Variants in ANKRD52 observed in about 807,000 individuals in gnomAD.
ANKRD52 encodes serine/threonine-protein phosphatase 6 regulatory ankyrin repeat subunit C.
In ANKRD52, 7 loss-of-function variants were observed where a neutral mutation model predicts 116.0. The ratio of observed to expected loss-of-function variants is 0.06; its 90% CI spans 0.03 to 0.11. The LOEUF (loss-of-function observed/expected upper bound fraction) is 0.11, where lower values mean the gene tolerates loss of function less well. ANKRD52 is among the 10% of genes least tolerant of loss of function. The pLI is 1.00. For missense variants in ANKRD52, 839 were observed against 1,408.6 expected (o/e 0.60, Z 6.47); for synonymous variants, 528 against 578.1 (o/e 0.91, Z 1.24).
intron 1 of ANKRD52, 89 bp from the exon 2 acceptor site, chr12:56,258,000 T>C (rs879166358): frequency 1.1e-6 from 1 of 923,494 alleles, no homozygotes; most frequent in Non-Finnish European, 1.6e-6. Flanking sequence ...TAGGTTTGAG[T>C]GGGGGGCGTC....
At position 56,243,163 on chromosome 12, in the gene ANKRD52, T is replaced by C; in HGVS notation, c.3210A>G (p.Leu1070=). 5.0e-6 allele frequency: 8 copies of C among 1,604,804 alleles called. No individual in the cohort carries two copies. Among genetic ancestry groups the C allele is most frequent in the Non-Finnish European group, 6.0e-6 (7 of 1,175,570 alleles). Residue 1070 remains leucine (L), a synonymous_variant, in exon 28 of 28, where the codon TTA becomes TTG. Transcript: ENST00000267116. The surrounding 1 kb of genome is among the most constrained non-coding windows in gnomAD (Gnocchi z 4.6). Reference sequence around the variant, plus strand: ...GGGGCTACTCAGAGTAGCAGCCATCTAACCCAATGGCGCCGGGCCGCTCCT... The same window carrying C: ...GGGGCTACTCAGAGTAGCAGCCATCCAACCCAATGGCGCCGGGCCGCTCCT... ...YSQERPGAIG[L]DGCYSE
Position 56,243,192 on chromosome 12 carries a change from T to C in ANKRD52, c.3181A>G (p.Ser1061Gly). 1 of 1,612,412 alleles carries C rather than the reference T, an allele frequency of 6.2e-7. No homozygotes were observed. The highest frequency in any genetic ancestry group is 8.5e-7 in the Non-Finnish European group (1 of 1,179,260). Reference protein sequence around the residue: ...ALPHGASCPYSQERPGAIGLD... With the variant: ...ALPHGASCPYGQERPGAIGLD... ...CCAATGGCGCCGGGCCGCTCCTGGCTGTAGGGGCAGGAGGCCCCATGGGGC... is the reference window on the plus strand; with the variant it reads ...CCAATGGCGCCGGGCCGCTCCTGGCCGTAGGGGCAGGAGGCCCCATGGGGC... The change falls in exon 28 of 28, where the codon AGC becomes GGC. Residue 1061 changes from serine (S) to glycine (G), a missense_variant. Coordinates refer to ENST00000267116, the MANE Select transcript of ANKRD52 (RefSeq NM_173595.4). The surrounding 1 kb of genome is among the most constrained non-coding windows in gnomAD (Gnocchi z 4.6).
chr12:56,243,373 G>A lies in ANKRD52; in HGVS notation c.3000C>T (p.Ala1000=). 6.2e-7 allele frequency: 1 copy of A among 1,613,884 alleles called. No individual in the cohort carries two copies. Among genetic ancestry groups the A allele is most frequent in the Non-Finnish European group, 8.5e-7 (1 of 1,179,828 alleles). Residue 1000 remains alanine (A), a synonymous_variant, in exon 28 of 28, where the codon GCC becomes GCT. Coordinates refer to ENST00000267116, the MANE Select transcript of ANKRD52 (RefSeq NM_173595.4). The surrounding 1 kb of genome is among the most constrained non-coding windows in gnomAD (Gnocchi z 4.6). ...VDEEGHTPAL[A]CAPNKDVADC... Reference sequence around the variant, plus strand: ...CTGCCACATCTTTGTTGGGGGCACAGGCCAGTGCTGGGGTGTGACCTGCAG... The same window carrying A: ...CTGCCACATCTTTGTTGGGGGCACAAGCCAGTGCTGGGGTGTGACCTGCAG...
Position 56,242,422 on chromosome 12 carries a change from A to T in ANKRD52, c.*720T>A. On this transcript the variant is annotated 3_prime_UTR_variant, in exon 28 of 28. Transcript: ENST00000267116. The surrounding 1 kb of genome is among the most constrained non-coding windows in gnomAD (Gnocchi z 4.3). ...GGGGCCAGGCTAGGAGTGGGAGGGA[A>T]TGGGGAGGGGGCAGGCTGTGGGGGC... 7.0e-5 allele frequency: 21 copies of T among 301,128 alleles called. No homozygotes were observed. Among genetic ancestry groups the T allele is most frequent in the Middle Eastern group, 8.7e-4 (1 of 1,152 alleles). The allele number at this position is 301,128 out of a possible 1,614,324, so 18.7% of individuals were successfully genotyped here.
In ANKRD52 at chr12:56,241,882, C is replaced by G. The variant is rs1871184417; in HGVS notation, c.*1260G>C. 2.5e-6 allele frequency: 1 copy of G among 397,792 alleles called. No individual in the cohort carries two copies. Among genetic ancestry groups the G allele is most frequent in the African/African-American group, 2.1e-5 (1 of 48,580 alleles). The allele number at this position is 397,792 out of a possible 1,614,324, so 24.6% of individuals were successfully genotyped here. A position where few individuals can be genotyped will look rare whatever the true frequency, so the allele number is the denominator to read the frequency against. ...ACTTTAGAAATCTTATCAGTGCAGC[C>G]CCCAGCTCAATCCCATCTTTCCTCC... On this transcript the variant is annotated 3_prime_UTR_variant, in exon 28 of 28. Coordinates refer to ENST00000267116, the MANE Select transcript of ANKRD52 (RefSeq NM_173595.4).
chr12:56,241,912 T>C lies in ANKRD52; in HGVS notation c.*1230A>G, dbSNP rs1264961193. ...GCTCAATCCCATCTTTCCTCCCTGC[T>C]GGGAAGGCAGGGACCAAGCCCCAGT... On this transcript the variant is annotated 3_prime_UTR_variant, in exon 28 of 28. Transcript: ENST00000267116. The C allele has an allele frequency of 7.5e-6, 3 of 398,314 alleles. No individual in the cohort carries two copies. Among genetic ancestry groups the C allele is most frequent in the African/African-American group, 4.1e-5 (2 of 48,614 alleles). The allele number at this position is 398,314 out of a possible 1,614,324, so 24.7% of individuals were successfully genotyped here.
chr12:56,252,105 A>G lies in ANKRD52; in HGVS notation c.1512-10T>C, dbSNP rs776130496. Reference sequence around the variant, plus strand: ...TGTATGGGGTTCCGCTCTGGGGAAGAGAGAGAGAAAGTTAGGGCCAGGCTC... The same window carrying G: ...TGTATGGGGTTCCGCTCTGGGGAAGGGAGAGAGAAAGTTAGGGCCAGGCTC... On this transcript the variant is annotated splice_polypyrimidine_tract_variant and intron_variant, in intron 14 of 27. Coordinates refer to ENST00000267116, the MANE Select transcript of ANKRD52 (RefSeq NM_173595.4). This position sits in a 1 kb window ranked among gnomAD's most constrained non-coding sequence, Gnocchi z 4.7. 6.2e-7 allele frequency: 1 copy of G among 1,613,744 alleles called. No individual in the cohort carries two copies. Among genetic ancestry groups the G allele is most frequent in the Admixed American group, 1.7e-5 (1 of 60,008 alleles).
rs1225524026 is a variant in ANKRD52, at chr12:56,248,690, G to GT, written c.1704+68dup. 7 of 1,505,958 alleles carry GT rather than the reference G, an allele frequency of 4.6e-6. No individual in the cohort carries two copies. Among genetic ancestry groups the GT allele is most frequent in the Non-Finnish European group, 6.4e-6 (7 of 1,102,158 alleles). The allele number at this position is 1,505,958 out of a possible 1,614,324, so 93.3% of individuals were successfully genotyped here. On this transcript the variant is annotated intron_variant, in intron 16 of 27. Coordinates refer to ENST00000267116, the MANE Select transcript of ANKRD52 (RefSeq NM_173595.4). This position sits in a 1 kb window ranked among gnomAD's most constrained non-coding sequence, Gnocchi z 5.1. ...AAGACCACATTTGATTGAACCCTTA[G>GT]TTTTGGAATCCACAAACCCTGTGCC...
rs773801349 is a variant in ANKRD52 at position 56,252,231 on chromosome 12, G to C, written c.1455C>G (p.Ala485=). ...LVTAGAGVNE[A]DCKGCSPLHY... ...GGAGGGGAGAGCAGCCTTTACAGTC[G>C]GCCTCGTTGACACCTGCCCCAGCAG... is the stretch of plus-strand genomic sequence containing the variant. Residue 485 remains alanine, a synonymous_variant, in exon 14 of 28, where the codon GCC becomes GCG. Transcript: ENST00000267116. This position sits in a 1 kb window ranked among gnomAD's most constrained non-coding sequence, Gnocchi z 4.7. 1 of 1,613,812 alleles carries C rather than the reference G, an allele frequency of 6.2e-7. No homozygotes were observed. Among genetic ancestry groups the C allele is most frequent in the African/African-American group, 1.3e-5 (1 of 74,892 alleles).
rs774217421 is a variant in ANKRD52, at chr12:56,252,034, G to A, written c.1573C>T (p.Arg525Cys). The change falls in exon 15 of 28, where the codon CGC (arginine) becomes TGC (cysteine). Residue 525 changes from arginine to cysteine, a missense_variant. By Grantham distance (180) the Arg-to-Cys change is radical. Transcript: ENST00000267116. The surrounding 1 kb of genome is among the most constrained non-coding windows in gnomAD (Gnocchi z 4.7). The stretch of plus-strand genomic sequence containing the variant: ...ACTCACAAGAAGGCCTCCTTCCTGC[G>A]GGACTCCTTCAGTGGCTCGTCCTCT... ...AEEDEPLKES[R>C]RKEAFFCLEF... The A allele has an allele frequency of 4.3e-6, 7 of 1,613,618 alleles. No homozygotes were observed. Among genetic ancestry groups the A allele is most frequent in the African/African-American group, 2.7e-5 (2 of 74,874 alleles).
At position 56,253,221 on chromosome 12, in the gene ANKRD52, C is replaced by T; in HGVS notation, c.1100+67G>A. 2 of 1,521,362 alleles carry T rather than the reference C, an allele frequency of 1.3e-6. No individual in the cohort carries two copies. The highest frequency in any genetic ancestry group is 1.8e-6 in the Non-Finnish European group (2 of 1,107,292). The allele number at this position is 1,521,362 out of a possible 1,614,324, so 94.2% of individuals were successfully genotyped here. The stretch of plus-strand genomic sequence containing the variant: ...CCTTTGGCAAGCTTATCTGTGCCTC[C>T]ATGGTTGATGTGAGCAGTCTGTGCA... On this transcript the variant is annotated intron_variant, in intron 10 of 27. Transcript: ENST00000267116. This position sits in a 1 kb window ranked among gnomAD's most constrained non-coding sequence, Gnocchi z 5.5.
intron 15 of ANKRD52, among the ~76,000 whole-genome samples, chr12:56,251,573 A>G (rs1326764902): frequency 2.0e-5 from 3 of 152,088 alleles, no homozygotes; most frequent in Admixed American, 1.3e-4. Flanking sequence ...TATCTAGCAC[A>G]GTACTTGGAA....
rs1207174452 is a variant in ANKRD52, at chr12:56,242,939, G to A, written c.*203C>T. On this transcript the variant is annotated 3_prime_UTR_variant, in exon 28 of 28. Transcript: ENST00000267116. The surrounding 1 kb of genome is among the most constrained non-coding windows in gnomAD (Gnocchi z 4.3). ...GTCGCCCTGGGGGTACCAAGGGCCT[G>A]GGGTGCTCCCTGTCAGTCCCAGACC... The A allele has an allele frequency of 1.4e-6, 1 of 714,040 alleles. No homozygotes were observed. Among genetic ancestry groups the A allele is most frequent in the Non-Finnish European group, 2.2e-6 (1 of 450,616 alleles). 44.2% of individuals were successfully genotyped at this position (714,040 alleles called of 1,614,324 possible).
At position 56,244,191 on chromosome 12, in the gene ANKRD52, G is replaced by A; in HGVS notation, c.2806-58C>T. On this transcript the variant is annotated intron_variant, in intron 25 of 27. Coordinates refer to ENST00000267116, the MANE Select transcript of ANKRD52 (RefSeq NM_173595.4). The surrounding 1 kb of genome is among the most constrained non-coding windows in gnomAD (Gnocchi z 4.9). ...GAAGTAGAAATGTGGCAGGGTGCAG[G>A]GCAGGAGTTGGGGAGAGTAACAGGA... The A allele has an allele frequency of 3.8e-6, 6 of 1,589,946 alleles. No homozygotes were observed. The highest frequency in any genetic ancestry group is 5.2e-6 in the Non-Finnish European group (6 of 1,158,448).
chr12:56,242,146 G>A lies in ANKRD52; in HGVS notation c.*996C>T, dbSNP rs1230768757. 1.5e-5 allele frequency: 6 copies of A among 398,560 alleles called. No individual in the cohort carries two copies. The highest frequency in any genetic ancestry group is 2.7e-5 in the Non-Finnish European group (6 of 226,130). The allele number at this position is 398,560 out of a possible 1,614,324, so 24.7% of individuals were successfully genotyped here. A position where few individuals can be genotyped will look rare whatever the true frequency, so the allele number is the denominator to read the frequency against. The stretch of plus-strand genomic sequence containing the variant: ...ATAAACTATGGGCTTGGCGGCACAG[G>A]AGGAAGAACATGGTCCCTCCCTCCA... On this transcript the variant is annotated 3_prime_UTR_variant, in exon 28 of 28. Transcript: ENST00000267116. The surrounding 1 kb of genome is among the most constrained non-coding windows in gnomAD (Gnocchi z 4.3).
Position 56,247,348 on chromosome 12 carries a change from A to G in ANKRD52, c.2184+145T>C, listed in dbSNP as rs11833761. 20 of 222,578 alleles carry G rather than the reference A, an allele frequency of 9.0e-5. No homozygotes were observed. In the South Asian group the frequency reaches 2.9e-3, roughly 32 times the overall value. The allele number at this position is 222,578 out of a possible 1,614,324, so 13.8% of individuals were successfully genotyped here. On this transcript the variant is annotated intron_variant, in intron 20 of 27. Transcript: ENST00000267116. ...GCAATGGGAGTGAGACCCTGTCTCA[A>G]AAAAAAAAAAAAAAAAGAAAAAGAA...
At chr12:56,247,196 A>G (rs1288996219) in intron 20 of ANKRD52, among the ~76,000 whole-genome samples, 3 of 151,130 alleles carry the variant, frequency 2.0e-5, no homozygotes, top group African/African-American at 7.3e-5. Context: ...AAATACAAAA[A>G]TTAGCTGGGC....
chr12:56,258,204 C>T (rs1463313390), intron 1 of ANKRD52, 39 bp downstream of exon 1: 1 of 1,592,332 alleles, frequency 6.3e-7, no homozygotes, highest in Non-Finnish European at 8.5e-7. Flanking sequence ...CAGCGCCGAG[C>T]CCTGGAAGGA....
At position 56,254,850 on chromosome 12, in the gene ANKRD52, T is replaced by A; in HGVS notation, c.550+15A>T. The A allele has an allele frequency of 6.2e-7, 1 of 1,610,326 alleles. No homozygotes were observed. Among genetic ancestry groups the A allele is most frequent in the Non-Finnish European group, 8.5e-7 (1 of 1,176,698 alleles). On this transcript the variant is annotated intron_variant, in intron 6 of 27. Transcript: ENST00000267116. This position sits in a 1 kb window ranked among gnomAD's most constrained non-coding sequence, Gnocchi z 4.6. ...AAATGTCAAATTTCTGATTTTCCCG[T>A]GTATTCTCTCTCACCTAGAAAAGCT...
Sources: allele counts gnomAD v4.1 joint callset (sites outside exome capture counted in the v4.1 genomes callset), GRCh38; gene constraint gnomAD v4.1.1; non-coding constraint Gnocchi (gnomAD v3.1); transcripts MANE v1.5; gene names NCBI Gene and HGNC (gene_info 2026-07-23, HGNC 2026-07-21).